Variants in SLC30A7 observed in about 807,000 individuals in gnomAD.
The protein encoded by SLC30A7 is zinc transporter 7.
SLC30A7 carries 35 observed loss-of-function variants against 46.0 expected under a neutral mutation model. The observed-to-expected ratio is 0.76, with a 90% CI of 0.58 to 1.01. The LOEUF is 1.01. SLC30A7 is among the 50% of genes least tolerant of loss of function. The pLI is 0.00. For missense variants in SLC30A7, 464 were observed against 451.1 expected (o/e 1.03, Z -0.26); for synonymous variants, 147 against 157.8 (o/e 0.93, Z 0.51).
intron 8 of SLC30A7, among the ~76,000 whole-genome samples, chr1:100,960,213 G>A (rs1235504172): frequency 1.3e-5 from 2 of 152,034 alleles, no homozygotes; most frequent in African/African-American, 4.8e-5. Flanking sequence ...TCTTTCATTA[G>A]ATCCAGTTAG....
At chr1:100,917,377 C>T (rs1232498254) in intron 6 of SLC30A7, among the ~76,000 whole-genome samples, 1 of 152,080 alleles carries the variant, frequency 6.6e-6, no homozygotes, top group Non-Finnish European at 1.5e-5. Context: ...ATAAGGGTAC[C>T]TTGACCTTTT....
chr1:100,917,622 C>T (rs866769904), intron 6 of SLC30A7, among the ~76,000 whole-genome samples: 1 of 152,098 alleles, frequency 6.6e-6, no homozygotes, highest in Non-Finnish European at 1.5e-5. Flanking sequence ...ATTTTTATCT[C>T]TTCTGTATCA....
At chr1:100,926,286 T>C (rs1235507945) in intron 8 of SLC30A7, among the ~76,000 whole-genome samples, 2 of 152,150 alleles carry the variant, frequency 1.3e-5, no homozygotes, top group African/African-American at 4.8e-5. Flanking sequence ...TGAGACTGGG[T>C]AGTCTATAAA....
At position 100,977,054 on chromosome 1, in the gene SLC30A7, GGGATATTCTGT is replaced by G. The variant is rs1656569651; in HGVS notation, c.*2200_*2210del. The G allele has an allele frequency of 6.6e-6, 1 of 152,152 alleles. No individual in the cohort carries two copies. The highest frequency in any genetic ancestry group is 2.4e-5 in the African/African-American group (1 of 41,294). The allele number at this position is 152,152 out of a possible 1,614,324, so 9.4% of individuals were successfully genotyped here. On this transcript the variant is annotated 3_prime_UTR_variant, in exon 11 of 11. Coordinates refer to ENST00000357650, the MANE Select transcript of SLC30A7 (RefSeq NM_133496.5). ...CCACCACCAAGTCTGAGAGAACTCTGGGATATTCTGTGGGTTTTGGCATATTAGATAGAGAA... is the reference window on the plus strand; with the variant it reads ...CCACCACCAAGTCTGAGAGAACTCTGGGGTTTTGGCATATTAGATAGAGAA...
chr1:100,934,119 G>T (rs1468889927), intron 8 of SLC30A7, among the ~76,000 whole-genome samples: 1 of 151,960 alleles, frequency 6.6e-6, no homozygotes, highest in Non-Finnish European at 1.5e-5. Flanking sequence ...TTGAGATTCA[G>T]CAGGCTTGAC....
chr1:100,898,475 T>C lies in SLC30A7; in HGVS notation c.182+1804T>C, dbSNP rs183888067. 8.5e-5 allele frequency among the ~76,000 whole-genome samples: 13 copies of C among 152,308 alleles called. No individual in the cohort carries two copies. In the East Asian group the frequency reaches 2.1e-3, roughly 25 times the overall value. On this transcript the variant is annotated intron_variant, in intron 2 of 10. Transcript: ENST00000357650. Reference sequence around the variant, plus strand: ...AGTGCAGCTTATATACTGTTTTTCATTGTGTTATGTCTTCTAGCTAGATTT... The same window carrying C: ...AGTGCAGCTTATATACTGTTTTTCACTGTGTTATGTCTTCTAGCTAGATTT...
At chr1:100,916,573 T>C (rs1211983937) in intron 6 of SLC30A7, among the ~76,000 whole-genome samples, 1 of 152,144 alleles carries the variant, frequency 6.6e-6, no homozygotes, top group Admixed American at 6.5e-5. Context: ...GAGGTATCCT[T>C]CTCCTCAGGC....
chr1:100,954,657 C>T (rs575163236), intron 8 of SLC30A7, among the ~76,000 whole-genome samples: 2 of 152,028 alleles, frequency 1.3e-5, no homozygotes, highest in South Asian at 4.2e-4. Flanking sequence ...TATAAATATG[C>T]ATTGATTTGA....
Position 100,912,177 on chromosome 1 carries a change from G to T in SLC30A7, c.450G>T (p.Val150=), listed in dbSNP as rs769693829. ...RLLLVSILGF[V]VNLIGIFVFK... Reference sequence around the variant, plus strand: ...TTCTTGTTTCCATTCTTGGGTTTGTGGTAAACCTAATAGGAATATTTGTTT... The same window carrying T: ...TTCTTGTTTCCATTCTTGGGTTTGTTGTAAACCTAATAGGAATATTTGTTT... Residue 150 remains valine, a synonymous_variant, in exon 5 of 11, where the codon GTG becomes GTT. Coordinates refer to ENST00000357650, the MANE Select transcript of SLC30A7 (RefSeq NM_133496.5). 1 of 1,613,790 alleles carries T rather than the reference G, an allele frequency of 6.2e-7. No homozygotes were observed. The highest frequency in any genetic ancestry group is 1.7e-5 in the Admixed American group (1 of 60,016).
At position 100,976,647 on chromosome 1, in the gene SLC30A7, A is replaced by C. The variant is rs1368437289; in HGVS notation, c.*1790A>C. The C allele has an allele frequency of 6.6e-6, 1 of 152,536 alleles. No homozygotes were observed. Among genetic ancestry groups the C allele is most frequent in the African/African-American group, 2.4e-5 (1 of 41,466 alleles). 9.4% of individuals were successfully genotyped at this position (152,536 alleles called of 1,614,324 possible). On this transcript the variant is annotated 3_prime_UTR_variant, in exon 11 of 11. Coordinates refer to ENST00000357650, the MANE Select transcript of SLC30A7 (RefSeq NM_133496.5). ...AAAACCCTGCAGGATGGAAACAATT[A>C]TTAAGAATGTAGATCAATAAGTACT...
chr1:100,909,488 G>A (rs1173551329), intron 3 of SLC30A7, among the ~76,000 whole-genome samples: 1 of 151,836 alleles, frequency 6.6e-6, no homozygotes, highest in Non-Finnish European at 1.5e-5. Context: ...TTTCTTCCTG[G>A]CTCAAGAATC....
chr1:100,903,811 A>G (rs1450648452), intron 2 of SLC30A7, among the ~76,000 whole-genome samples: 1 of 152,132 alleles, frequency 6.6e-6, no homozygotes, highest in Admixed American at 6.5e-5. Context: ...ATTTAAAACC[A>G]TGCTTTTTCT....
intron 3 of SLC30A7, among the ~76,000 whole-genome samples, chr1:100,910,188 A>G (rs1427021937): frequency 1.3e-5 from 2 of 152,062 alleles, no homozygotes; most frequent in Non-Finnish European, 2.9e-5. Flanking sequence ...AAACCTAGGA[A>G]AAGCACGAGT....
At chr1:100,931,059 A>G (rs1267660118) in intron 8 of SLC30A7, among the ~76,000 whole-genome samples, 1 of 152,108 alleles carries the variant, frequency 6.6e-6, no homozygotes, top group Non-Finnish European at 1.5e-5. Flanking sequence ...CAGATGAGGA[A>G]CCCTAGTTAA....
intron 8 of SLC30A7, among the ~76,000 whole-genome samples, chr1:100,958,466 G>T (rs1465477189): frequency 6.6e-6 from 1 of 152,148 alleles, no homozygotes; most frequent in African/African-American, 2.4e-5. Context: ...GTGAGCCACC[G>T]CACCCGGCCA....
intron 8 of SLC30A7, among the ~76,000 whole-genome samples, chr1:100,943,926 A>C (rs1226160414): frequency 6.6e-6 from 1 of 152,286 alleles, no homozygotes; most frequent in African/African-American, 2.4e-5. Context: ...AGAGACATGC[A>C]TATAATCTAA....
rs373582013 is a variant in SLC30A7 at position 100,948,587 on chromosome 1, C to T, written c.843-13241C>T. 4.6e-5 allele frequency among the ~76,000 whole-genome samples: 7 copies of T among 152,276 alleles called. No homozygotes were observed. In the East Asian group the frequency reaches 1.4e-3, roughly 29 times the overall value. On this transcript the variant is annotated intron_variant, in intron 8 of 10. Transcript: ENST00000357650. ...TATATTTCCTGAATTTGTATGTTGG[C>T]CTGCCTTGCTAGGTTGGGGACGTTC...
intron 8 of SLC30A7, among the ~76,000 whole-genome samples, chr1:100,932,740 A>G (rs1386066119): frequency 6.6e-6 from 1 of 152,136 alleles, no homozygotes; most frequent in Non-Finnish European, 1.5e-5. Flanking sequence ...AAGTAATATG[A>G]GAGAGAGAAA....
chr1:100,896,123 T>C lies in SLC30A7; in HGVS notation c.-140T>C, dbSNP rs565156060. The C allele has an allele frequency of 8.8e-5, 63 of 717,602 alleles. No individual in the cohort carries two copies. In the South Asian group the frequency reaches 1.0e-3, roughly 12 times the overall value. The allele number at this position is 717,602 out of a possible 1,614,324, so 44.5% of individuals were successfully genotyped here. On this transcript the variant is annotated 5_prime_UTR_variant, in exon 1 of 11. Coordinates refer to ENST00000357650, the MANE Select transcript of SLC30A7 (RefSeq NM_133496.5). ...GCGAATTCCCGGGTGTGTGTCTGTG[T>C]CTGTCTGTGTCTCGCAGCGGCGCGC...
Sources: allele counts gnomAD v4.1 joint callset (sites outside exome capture counted in the v4.1 genomes callset), GRCh38; gene constraint gnomAD v4.1.1; transcripts MANE v1.5; gene names NCBI Gene and HGNC (gene_info 2026-07-23, HGNC 2026-07-21).